Variants in UBASH3A observed in about 807,000 individuals in gnomAD.
UBASH3A encodes ubiquitin associated and SH3 domain containing A, also known as ubiquitin-associated and SH3 domain-containing protein A.
UBASH3A carries 63 observed loss-of-function variants against 73.5 expected under a neutral mutation model. That is an observed-to-expected ratio of 0.86 (90% confidence interval 0.70 to 1.06). UBASH3A has a LOEUF of 1.06. Among genes scored for constraint, UBASH3A ranks in the 50% least tolerant of loss-of-function variants. The pLI, the probability that UBASH3A is intolerant of heterozygous loss-of-function variation, is 0.00. For missense variants in UBASH3A, 860 were observed against 859.0 expected (o/e 1.00, Z -0.02); for synonymous variants, 363 against 351.1 (o/e 1.03, Z -0.38).
At chr21:42,421,455 A>G (rs2053337045) in intron 7 of UBASH3A, among the ~76,000 whole-genome samples, 1 of 152,142 alleles carries the variant, frequency 6.6e-6, no homozygotes, top group Admixed American at 6.5e-5. Flanking sequence ...CATTTGTTTA[A>G]TTCTCTCCTA....
intron 11 of UBASH3A, among the ~76,000 whole-genome samples, chr21:42,441,893 A>G (rs1391481120): frequency 6.6e-6 from 1 of 152,224 alleles, no homozygotes; most frequent in East Asian, 1.9e-4. Context: ...AGATGGCCTT[A>G]CTTTATGGCT....
chr21:42,427,534 T>C (rs1485235951), intron 8 of UBASH3A, among the ~76,000 whole-genome samples: 1 of 152,248 alleles, frequency 6.6e-6, no homozygotes, highest in African/African-American at 2.4e-5. Context: ...TCATCCTTGC[T>C]ATCCCCAATC....
intron 2 of UBASH3A, among the ~76,000 whole-genome samples, chr21:42,408,140 C>A (rs1483261635): frequency 6.6e-6 from 1 of 152,214 alleles, no homozygotes; most frequent in Non-Finnish European, 1.5e-5. Flanking sequence ...GGGTGGGAAC[C>A]ACGATGGAGA....
intron 11 of UBASH3A, among the ~76,000 whole-genome samples, chr21:42,439,780 CCA>C (rs2053699872): frequency 7.3e-6 from 1 of 136,920 alleles, no homozygotes; most frequent in Non-Finnish European, 1.6e-5. Flanking sequence ...CACATACACA[CCA>C]CACACCACAC....
chr21:42,412,285 T>C (rs2053115149), intron 3 of UBASH3A, among the ~76,000 whole-genome samples: 1 of 151,990 alleles, frequency 6.6e-6, no homozygotes, highest in Non-Finnish European at 1.5e-5. Context: ...GCCTGAGGGA[T>C]TCTCCAGGTG....
chr21:42,422,692 T>A lies in UBASH3A; in HGVS notation c.1047-4005T>A, dbSNP rs147517579. 4.4e-3 allele frequency among the ~76,000 whole-genome samples: 676 copies of A among 152,344 alleles called. 4 individuals carry two copies. The highest frequency in any genetic ancestry group is 0.015 in the African/African-American group (637 of 41,570). ...TTAAAATAATTAAAAGGGAGAATTT[T>A]ATATATTGATTTGAAAAAATATGCA... On this transcript the variant is annotated intron_variant, in intron 7 of 14. Coordinates refer to ENST00000319294, the MANE Select transcript of UBASH3A (RefSeq NM_018961.4).
rs182488477 is a variant in UBASH3A, at chr21:42,408,193, G to T, written c.168-1229G>T. On this transcript the variant is annotated intron_variant, in intron 2 of 14. Transcript: ENST00000319294. ...TGTGATTTTTATTGAAGAGAATATG[G>T]TCTTGCGTAAGTTCTGTTTCCTCTA... Among the ~76,000 whole-genome samples, 45 of 152,322 alleles carry T rather than the reference G, an allele frequency of 3.0e-4. No homozygotes were observed. The East Asian group carries it at 6.8e-3, about 23-fold the overall frequency.
chr21:42,444,142 C>A (rs972921217), intron 13 of UBASH3A, among the ~76,000 whole-genome samples: 1 of 152,224 alleles, frequency 6.6e-6, no homozygotes, highest in Non-Finnish European at 1.5e-5. Flanking sequence ...GTGTTCTTAT[C>A]TAAAGCAGGA....
At chr21:42,424,373 C>T (rs909302824) in intron 7 of UBASH3A, among the ~76,000 whole-genome samples, 4 of 152,220 alleles carry the variant, frequency 2.6e-5, no homozygotes, top group Non-Finnish European at 4.4e-5. Flanking sequence ...CCTCAGCCTC[C>T]GTGCCAGACG....
intron 7 of UBASH3A, among the ~76,000 whole-genome samples, chr21:42,419,134 G>A (rs558467352): frequency 4.7e-4 from 72 of 152,328 alleles, no homozygotes; most frequent in Non-Finnish European, 9.0e-4. Context: ...TCCCCACTGA[G>A]GCTTCACACC....
intron 9 of UBASH3A, among the ~76,000 whole-genome samples, chr21:42,432,933 G>A (rs779145065): frequency 2.2e-4 from 33 of 152,154 alleles, no homozygotes; most frequent in Admixed American, 6.5e-5. Flanking sequence ...AAGACAATAG[G>A]TGGCTATCAG....
intron 12 of UBASH3A, among the ~76,000 whole-genome samples, 171 bp downstream of exon 12, chr21:42,442,767 G>A (rs1861734501): frequency 6.6e-6 from 1 of 152,180 alleles, no homozygotes; most frequent in Admixed American, 6.5e-5. Context: ...AAGGAAAAGA[G>A]GGGAGTTATA....
chr21:42,424,471 C>T (rs903047958), intron 7 of UBASH3A, among the ~76,000 whole-genome samples: 14 of 152,176 alleles, frequency 9.2e-5, no homozygotes, highest in African/African-American at 2.9e-4. Flanking sequence ...CCTGGAGAGA[C>T]TGGTGATGGA....
chr21:42,416,351 C>T, intron 5 of UBASH3A, 91 bp from the exon 6 acceptor site: 3 of 1,364,714 alleles, frequency 2.2e-6, no homozygotes, highest in Non-Finnish European at 2.9e-6. Context: ...TTCTGAGAGC[C>T]CTTGCCTTGT....
chr21:42,406,373 T>C lies in UBASH3A; in HGVS notation c.167+12T>C. The C allele has an allele frequency of 6.2e-7, 1 of 1,612,218 alleles. No homozygotes were observed. The highest frequency in any genetic ancestry group is 2.2e-5 in the East Asian group (1 of 44,866). On this transcript the variant is annotated intron_variant, in intron 2 of 14. Coordinates refer to ENST00000319294, the MANE Select transcript of UBASH3A (RefSeq NM_018961.4). ...GAGGCCTTGGCCTGGTGAGTGCAGC[T>C]GCTTCTGTAGACCCAGGGGCGTTTG...
intron 1 of UBASH3A, 26 bp downstream of exon 1, chr21:42,404,084 G>T: frequency 7.4e-7 from 1 of 1,354,768 alleles, no homozygotes; most frequent in South Asian, 1.7e-5. Flanking sequence ...AGACCCCGGG[G>T]CCCAGCCAGT....
At chr21:42,439,087 C>A (rs1038256679) in intron 11 of UBASH3A, among the ~76,000 whole-genome samples, 2 of 152,118 alleles carry the variant, frequency 1.3e-5, no homozygotes, top group Non-Finnish European at 2.9e-5. Context: ...CCTCAGAGCA[C>A]CTTCAAATCC....
intron 3 of UBASH3A, 106 bp from the exon 4 acceptor site, chr21:42,412,917 AC>A: frequency 3.1e-6 from 3 of 979,428 alleles, no homozygotes; most frequent in Non-Finnish European, 4.7e-6. Flanking sequence ...AGCGCTTTGA[AC>A]AGAAAAGAAT....
At chr21:42,437,037 G>A (rs551386268) in intron 10 of UBASH3A, among the ~76,000 whole-genome samples, 70 of 152,358 alleles carry the variant, frequency 4.6e-4, no homozygotes, top group African/African-American at 1.5e-3. Context: ...TCCTTGCAGT[G>A]GGAGGACTGA....
Sources: allele counts gnomAD v4.1 joint callset (sites outside exome capture counted in the v4.1 genomes callset), GRCh38; gene constraint gnomAD v4.1.1; transcripts MANE v1.5; gene names NCBI Gene and HGNC (gene_info 2026-07-23, HGNC 2026-07-21).